Variants in PCDHGA6 observed in about 807,000 individuals in gnomAD.
The protein encoded by PCDHGA6 is protocadherin gamma-A6.
In PCDHGA6, 41 loss-of-function variants were observed where a neutral mutation model predicts 60.6. The ratio of observed to expected loss-of-function variants is 0.68; its 90% CI spans 0.53 to 0.88. The LOEUF is 0.88. Among genes scored for constraint, PCDHGA6 ranks in the 40% least tolerant of loss-of-function variants. The pLI, the probability that PCDHGA6 is intolerant of heterozygous loss-of-function variation, is 0.00. For synonymous variants in PCDHGA6, 594 were observed against 524.4 expected (o/e 1.13, Z -1.81); for missense variants, 1,312 against 1,203.0 (o/e 1.09, Z -1.34).
Position 141,387,745 on chromosome 5 carries a change from C to T in PCDHGA6, c.2424+11238C>T, listed in dbSNP as rs933790239. On this transcript the variant is annotated intron_variant, in intron 1 of 3. Coordinates refer to ENST00000517434, the MANE Select transcript of PCDHGA6 (RefSeq NM_018919.3). ...CCCAGCGCCAGCCTTTACACCGCTT[C>T]CTCCTCGGAAAAAGAAGAATTTTTT... 4 of 1,355,066 alleles carry T rather than the reference C, an allele frequency of 3.0e-6. No homozygotes were observed. In the Admixed American group the frequency reaches 8.1e-5, roughly 28 times the overall value. 83.9% of individuals were successfully genotyped at this position (1,355,066 alleles called of 1,614,324 possible).
chr5:141,426,805 A>G (rs1222690899), intron 1 of PCDHGA6: 2 of 456,720 alleles, frequency 4.4e-6, no homozygotes, highest in African/African-American at 2.0e-5. Flanking sequence ...CTCAGTTCTA[A>G]TGAACATTTC....
At chr5:141,452,193 GT>G (rs1375451557) in intron 1 of PCDHGA6, among the ~76,000 whole-genome samples, 1 of 151,990 alleles carries the variant, frequency 6.6e-6, no homozygotes, top group Non-Finnish European at 1.5e-5. Context: ...ACCTCAAATT[GT>G]TTTAGATGTT....
At chr5:141,506,252 C>T (rs1158047426) in intron 3 of PCDHGA6, among the ~76,000 whole-genome samples, 1 of 151,968 alleles carries the variant, frequency 6.6e-6, no homozygotes, top group African/African-American at 2.4e-5. Flanking sequence ...AGTTCGAAAC[C>T]GGCCTGGCCA....
intron 3 of PCDHGA6, 57 bp from the exon 4 acceptor site, chr5:141,510,890 A>G (rs1434557860): frequency 1.2e-5 from 20 of 1,612,748 alleles, no homozygotes; most frequent in South Asian, 3.3e-5. Context: ...GATATAAGAC[A>G]GTGACTGTTG....
At position 141,448,827 on chromosome 5, in the gene PCDHGA6, C is replaced by T. The variant is rs540550537; in HGVS notation, c.2425-45980C>T. ...AGGCGTGATGGCGGGCGCCTGTAGT[C>T]CCAGCTACTCTGGAGGCTGAGGCAG... On this transcript the variant is annotated intron_variant, in intron 1 of 3. Transcript: ENST00000517434. Among the ~76,000 whole-genome samples the T allele has an allele frequency of 1.6e-4, 25 of 152,108 alleles. No homozygotes were observed. In the South Asian group the frequency reaches 4.2e-3, roughly 25 times the overall value.
intron 1 of PCDHGA6, chr5:141,393,226 T>C (rs1291576624): frequency 6.2e-7 from 1 of 1,613,712 alleles, no homozygotes; most frequent in Non-Finnish European, 8.5e-7. Context: ...GTCGAAGATC[T>C]AGAAGTAAAA....
At chr5:141,382,958 TG>T in intron 1 of PCDHGA6, 1 of 1,606,924 alleles carries the variant, frequency 6.2e-7, no homozygotes, top group Middle Eastern at 1.7e-4. Flanking sequence ...TCCATCCTCC[TG>T]GGGACCCCCT....
chr5:141,417,618 G>C, intron 1 of PCDHGA6: 3 of 654,348 alleles, frequency 4.6e-6, no homozygotes, highest in Non-Finnish European at 7.4e-6. Flanking sequence ...CCAGTGCAGA[G>C]CAAGCGCTGA....
At chr5:141,465,923 C>G (rs908350232) in intron 1 of PCDHGA6, among the ~76,000 whole-genome samples, 2 of 152,062 alleles carry the variant, frequency 1.3e-5, no homozygotes, top group African/African-American at 4.8e-5. Flanking sequence ...GATTTCGAGT[C>G]CATCCTGGCT....
chr5:141,400,928 G>T (rs1365073405), intron 1 of PCDHGA6, among the ~76,000 whole-genome samples: 1 of 152,154 alleles, frequency 6.6e-6, no homozygotes, highest in African/African-American at 2.4e-5. Flanking sequence ...ACTGCTAGTA[G>T]ATGTCTTTCT....
intron 1 of PCDHGA6, among the ~76,000 whole-genome samples, chr5:141,402,022 T>A (rs1170426258): frequency 6.6e-6 from 1 of 152,210 alleles, no homozygotes; most frequent in East Asian, 1.9e-4. Context: ...TTTGAATCAT[T>A]GAAACACAGT....
At chr5:141,413,306 A>G in intron 1 of PCDHGA6, 1 of 1,613,958 alleles carries the variant, frequency 6.2e-7, no homozygotes, top group Non-Finnish European at 8.5e-7. Context: ...GAGGAATTAG[A>G]GAAAGGCTCT....
intron 1 of PCDHGA6, among the ~76,000 whole-genome samples, chr5:141,433,559 G>A (rs2154555800): frequency 6.6e-6 from 1 of 152,212 alleles, no homozygotes; most frequent in Non-Finnish European, 1.5e-5. Context: ...TTTCTGGCTG[G>A]GCGCGGTGGC....
intron 1 of PCDHGA6, chr5:141,394,156 AC>A (rs2092929687): frequency 6.2e-7 from 1 of 1,613,556 alleles, no homozygotes; most frequent in Admixed American, 1.7e-5. Flanking sequence ...ATTAACGACA[AC>A]CCTCCTACTT....
chr5:141,475,080 C>T (rs963278755), intron 1 of PCDHGA6, among the ~76,000 whole-genome samples: 3 of 152,128 alleles, frequency 2.0e-5, no homozygotes, highest in South Asian at 4.1e-4. Flanking sequence ...GCCATTATTT[C>T]AATAATTTTA....
chr5:141,394,336 A>C lies in PCDHGA6; in HGVS notation c.2424+17829A>C, dbSNP rs1205005872. On this transcript the variant is annotated intron_variant, in intron 1 of 3. Coordinates refer to ENST00000517434, the MANE Select transcript of PCDHGA6 (RefSeq NM_018919.3). ...CCCCTGTCCTCGTATATCTCCATCA[A>C]CTCTGACACCGGTGTCCTGTATGCG... 6.2e-7 allele frequency: 1 copy of C among 1,613,822 alleles called. No homozygotes were observed. The highest frequency in any genetic ancestry group is 1.1e-5 in the South Asian group (1 of 91,058).
chr5:141,450,470 A>AGTTT (rs199699353), intron 1 of PCDHGA6, among the ~76,000 whole-genome samples: 2,037 of 151,800 alleles, frequency 0.013, 39 homozygotes, highest in African/African-American at 0.044. Flanking sequence ...TTATATATAG[A>AGTTT]GTTTGTTTGT....
chr5:141,496,467 T>A (rs1334392771), intron 2 of PCDHGA6, among the ~76,000 whole-genome samples: 1 of 152,056 alleles, frequency 6.6e-6, no homozygotes, highest in Non-Finnish European at 1.5e-5. Context: ...GAGTTATCTT[T>A]CCCCCATCCT....
rs781158382 is a variant in PCDHGA6 at position 141,376,041 on chromosome 5, C to G, written c.1958C>G (p.Pro653Arg). 6.2e-7 allele frequency: 1 copy of G among 1,613,218 alleles called. No individual in the cohort carries two copies. The highest frequency in any genetic ancestry group is 8.5e-7 in the Non-Finnish European group (1 of 1,179,862). The change falls in exon 1 of 4, where the codon CCT becomes CGT. Residue 653 changes from proline (P) to arginine (R), a missense_variant. By Grantham distance (103) the Pro-to-Arg change is moderately radical. Transcript: ENST00000517434. ...GCCGTCCAGGACCACGGCCAGCCCC[C>G]TCTCTCCGCCACTGTCACGCTCACC... ...VVAVQDHGQP[P>R]LSATVTLTVA...
Sources: allele counts gnomAD v4.1 joint callset (sites outside exome capture counted in the v4.1 genomes callset), GRCh38; gene constraint gnomAD v4.1.1; transcripts MANE v1.5; gene names NCBI Gene and HGNC (gene_info 2026-07-23, HGNC 2026-07-21).